The following HYAL1 variants were observed in gnomAD, a reference collection of about 807,000 sequenced individuals.
HYAL1 encodes the protein hyaluronidase-1.
Under a neutral mutation model 28.8 loss-of-function variants are expected in HYAL1, and 21 were observed. The observed-to-expected ratio is 0.73, with a 90% confidence interval of 0.52 to 1.05. The LOEUF (loss-of-function observed/expected upper bound fraction) is 1.05. Ranked by LOEUF, HYAL1 falls within the 50% of genes least tolerant of loss-of-function variation. HYAL1 has a pLI of 0.00. For missense variants in HYAL1, 491 were observed against 579.2 expected, an observed-to-expected ratio of 0.85 and a Z score of 1.56; for synonymous variants, 200 against 230.1, an observed-to-expected ratio of 0.87 and a Z score of 1.18.
chr3:50,307,653 C>G (rs1180799936), upstream of HYAL1, among the ~76,000 whole-genome samples: 4 of 122,440 alleles, frequency 3.3e-5, no homozygotes, highest in Non-Finnish European at 1.6e-5. Flanking sequence ...TGCACTCCAG[C>G]CTGGGTGACA....
chr3:50,308,463 T>C (rs1229144783), upstream of HYAL1, among the ~76,000 whole-genome samples: 1 of 150,522 alleles, frequency 6.6e-6, no homozygotes, highest in Non-Finnish European at 1.5e-5. Flanking sequence ...ATTATTATTT[T>C]TTGAGATGGA....
upstream of HYAL1, among the ~76,000 whole-genome samples, chr3:50,306,031 T>G: frequency 6.6e-6 from 1 of 151,284 alleles, no homozygotes; most frequent in Admixed American, 6.6e-5. Context: ...ATTTGGTAAC[T>G]ATGGATGGAT....
Position 50,302,610 on chromosome 3 carries a change from G to A in HYAL1, c.347C>T (p.Ala116Val). The stretch of plus-strand genomic sequence containing the variant: ...CCCTGAGAAGTCAGGAGCAGGTATG[G>A]CAGCCAGGATGTCCTGGAATGTGCG... ...LARTFQDILA[A>V]IPAPDFSGLA... Residue 116 changes from alanine (A) to valine (V), a missense_variant, in exon 2 of 4, where the codon GCC becomes GTC. Physicochemically the swap from Ala to Val is moderately conservative, Grantham distance 64. Coordinates refer to ENST00000395144, the MANE Select transcript of HYAL1 (RefSeq NM_033159.4). The surrounding 1 kb of genome is among the most constrained non-coding windows in gnomAD (Gnocchi z 5.0). 1 of 1,614,190 alleles carries A rather than the reference G, an allele frequency of 6.2e-7. No individual in the cohort carries two copies. The highest frequency in any genetic ancestry group is 8.5e-7 in the Non-Finnish European group (1 of 1,180,032).
chr3:50,300,511 G>A lies in HYAL1; in HGVS notation c.1280C>T (p.Pro427Leu), dbSNP rs782298295. Residue 427 changes from proline (P) to leucine (L), a missense_variant, in exon 4 of 4, where the codon CCG becomes CTG. Transcript: ENST00000395144. ...KCRCYPGWQAPWCERKSMW is the reference protein window; with the variant it reads ...KCRCYPGWQALWCERKSMW ...CCACATGCTCTTCCGCTCACACCAC[G>A]GTGCCTGCCAGCCAGGGTAGCATCG... 16 of 1,614,218 alleles carry A rather than the reference G, an allele frequency of 9.9e-6. No individual in the cohort carries two copies. The highest frequency in any genetic ancestry group is 2.2e-5 in the South Asian group (2 of 91,092).
Position 50,302,390 on chromosome 3 carries a change from C to T in HYAL1, c.567G>A (p.Leu189=), listed in dbSNP as rs781928640. The part of the protein sequence containing the change: ...ARAWMAGTLQ[L]GRALRPRGLW... ...GGCCGCGAGGACGCAGTGCCCGCCC[C>T]AGCTGGAGGGTGCCTGCCATCCAGG... is the stretch of plus-strand genomic sequence containing the variant. The change falls in exon 2 of 4, where the codon CTG becomes CTA. Residue 189 remains leucine (L), a synonymous_variant. Transcript: ENST00000395144. This position sits in a 1 kb window ranked among gnomAD's most constrained non-coding sequence, Gnocchi z 5.0. 1 of 1,613,844 alleles carries T rather than the reference C, an allele frequency of 6.2e-7. No individual in the cohort carries two copies. Among genetic ancestry groups the T allele is most frequent in the East Asian group, 2.2e-5 (1 of 44,888 alleles).
In HYAL1 at chr3:50,302,886, C is replaced by A. The variant is rs782189314; in HGVS notation, c.71G>T (p.Gly24Val). The A allele has an allele frequency of 6.2e-7, 1 of 1,611,990 alleles. No individual in the cohort carries two copies. Among genetic ancestry groups the A allele is most frequent in the Non-Finnish European group, 8.5e-7 (1 of 1,178,644 alleles). Residue 24 changes from glycine (G) to valine (V), a missense_variant, in exon 2 of 4, where the codon GGC becomes GTC. Physicochemically the swap from Gly to Val is moderately radical, Grantham distance 109. Transcript: ENST00000395144. The surrounding 1 kb of genome is among the most constrained non-coding windows in gnomAD (Gnocchi z 5.0). ...TLLDMAQGFR[G>V]PLLPNRPFTT... Reference sequence around the variant, plus strand: ...GAAGGGCCGGTTGGGTAGCAAGGGGCCCCTAAAGCCTTGGGCCATATCGAG... The same window carrying A: ...GAAGGGCCGGTTGGGTAGCAAGGGGACCCTAAAGCCTTGGGCCATATCGAG...
intron 1 of HYAL1, among the ~76,000 whole-genome samples, chr3:50,311,208 G>A (rs1466805435): frequency 3.4e-5 from 5 of 148,780 alleles, no homozygotes; most frequent in African/African-American, 7.4e-5. Context: ...CTCCCGGACG[G>A]GGTGGCTGGC....
In HYAL1 at chr3:50,300,526, G is replaced by C. The variant is rs782812423; in HGVS notation, c.1265C>G (p.Pro422Arg). ...MAVEFKCRCY[P>R]GWQAPWCERK... ...CTCACACCACGGTGCCTGCCAGCCA[G>C]GGTAGCATCGACATTTGAACTCCAC... The change falls in exon 4 of 4, where the codon CCT becomes CGT. Residue 422 changes from proline (P) to arginine (R), a missense_variant. Pro to Arg is a moderately radical substitution (Grantham distance 103). Transcript: ENST00000395144. The C allele has an allele frequency of 3.1e-5, 50 of 1,614,102 alleles. No individual in the cohort carries two copies. The highest frequency in any genetic ancestry group is 4.0e-5 in the African/African-American group (3 of 74,924).
chr3:50,303,330 G>C (rs148135700), intron 1 of HYAL1, 136 bp downstream of exon 1: 23 of 184,712 alleles, frequency 1.2e-4, no homozygotes, highest in South Asian at 1.2e-3. Flanking sequence ...CCCGACCAAG[G>C]GGGGGAGGCC....
At chr3:50,301,930 GAC>G (rs1255471636) in intron 2 of HYAL1, 125 bp downstream of exon 2, 1 of 1,012,658 alleles carries the variant, frequency 9.9e-7, no homozygotes, top group Non-Finnish European at 1.5e-6. Flanking sequence ...CAGCCTGGGT[GAC>G]AGAGTGAGAC....
upstream of HYAL1, among the ~76,000 whole-genome samples, chr3:50,307,402 CGGACG>C (rs1559824508): frequency 6.7e-6 from 1 of 148,798 alleles, no homozygotes; most frequent in African/African-American, 2.5e-5. Flanking sequence ...AAAATAGGGC[CGGACG>C]CAGTGGCTCA....
chr3:50,307,596 G>C (rs1270279993), upstream of HYAL1, among the ~76,000 whole-genome samples: 1 of 136,874 alleles, frequency 7.3e-6, no homozygotes, highest in Non-Finnish European at 1.5e-5. Context: ...CAGGAGAATG[G>C]CGTGAACCCG....
At chr3:50,307,998 T>C (rs1208665187), upstream of HYAL1, among the ~76,000 whole-genome samples, 1 of 151,004 alleles carries the variant, frequency 6.6e-6, no homozygotes. Context: ...GGTTTCACCA[T>C]GTTAGCCAGG....
chr3:50,311,129 C>T (rs1489067750), intron 1 of HYAL1, among the ~76,000 whole-genome samples: 3 of 151,782 alleles, frequency 2.0e-5, no homozygotes, highest in South Asian at 2.1e-4. Flanking sequence ...ACCTCCCAGA[C>T]GGGGTGGTGG....
upstream of HYAL1, among the ~76,000 whole-genome samples, chr3:50,304,957 T>C (rs1019331041): frequency 6.6e-6 from 1 of 152,242 alleles, no homozygotes; most frequent in Non-Finnish European, 1.5e-5. Flanking sequence ...TTCATTCATT[T>C]GTGGTTTCAC....
chr3:50,301,912 C>T lies in HYAL1; in HGVS notation c.900+145G>A. On this transcript the variant is annotated intron_variant, in intron 2 of 3. Transcript: ENST00000395144. ...CTTGCAGTGAGCCAAGATCGTGCCACTGCACTCCAGCCTGGGTGACAGAGT... is the reference window on the plus strand; with the variant it reads ...CTTGCAGTGAGCCAAGATCGTGCCATTGCACTCCAGCCTGGGTGACAGAGT... 3.5e-6 allele frequency: 3 copies of T among 859,304 alleles called. No homozygotes were observed. In the South Asian group the frequency reaches 4.3e-5, roughly 12 times the overall value. The allele number at this position is 859,304 out of a possible 1,614,324, so 53.2% of individuals were successfully genotyped here. A position where few individuals can be genotyped will look rare whatever the true frequency, so the allele number is the denominator to read the frequency against.
At chr3:50,311,723 T>TC (rs1474687681) in intron 1 of HYAL1, among the ~76,000 whole-genome samples, 1 of 117,996 alleles carries the variant, frequency 8.5e-6, no homozygotes, top group Non-Finnish European at 1.7e-5. Flanking sequence ...GTGGGGCTGA[T>TC]CCCCCCACCT....
At chr3:50,306,219 CTTTTTTTTTTTT>C (rs1173166946), upstream of HYAL1, among the ~76,000 whole-genome samples, 5 of 84,438 alleles carry the variant, frequency 5.9e-5, no homozygotes, top group Admixed American at 1.4e-4. Context: ...CTGTACAACT[CTTTTTTTTTTTT>C]TTTTTTTTTT....
intron 1 of HYAL1, among the ~76,000 whole-genome samples, chr3:50,311,818 C>A (rs1395219567): frequency 7.1e-6 from 1 of 141,780 alleles, no homozygotes; most frequent in Non-Finnish European, 1.5e-5. Flanking sequence ...CCTCACCTCC[C>A]GGATGGGGCG....
Sources: allele counts gnomAD v4.1 joint callset (sites outside exome capture counted in the v4.1 genomes callset), GRCh38; gene constraint gnomAD v4.1.1; non-coding constraint Gnocchi (gnomAD v3.1); transcripts MANE v1.5; gene names NCBI Gene and HGNC (gene_info 2026-07-23, HGNC 2026-07-21).